The following RASEF variants were observed in gnomAD, a reference collection of about 807,000 sequenced individuals.
The protein encoded by RASEF is ras and EF-hand domain-containing protein.
Under a neutral mutation model 90.1 loss-of-function variants are expected in RASEF, and 68 were observed. That is an observed-to-expected ratio of 0.75 (90% CI 0.62 to 0.92). The LOEUF is 0.92. Among genes scored for constraint, RASEF ranks in the 40% least tolerant of loss-of-function variants. The probability of loss-of-function intolerance (pLI) is 0.00; values close to 1 mark genes in which losing one functional copy is unlikely to be tolerated. For missense variants in RASEF, 949 were observed against 937.2 expected (o/e 1.01, Z -0.16); for synonymous variants, 331 against 345.2 (o/e 0.96, Z 0.46).
rs1829265254 is a variant in RASEF at position 83,012,474 on chromosome 9, T to C, written c.803A>G (p.Asp268Gly). The change falls in exon 5 of 17, where the codon GAT (aspartate) becomes GGT (glycine). Residue 268 changes from aspartate (D) to glycine (G), a missense_variant. Physicochemically the swap from Asp to Gly is moderately conservative, Grantham distance 94 (BLOSUM62 -1). Around this residue, in one of 3 missense-constraint regions of RASEF, gnomAD observed 656 missense variants for 592.2 expected, o/e 1.11. Coordinates refer to ENST00000376447, the MANE Select transcript of RASEF (RefSeq NM_152573.4). ...AATTTGTTTTTTCAATGCAGCCACA[T>C]CTTCCTTTTGACTTACGCGTTTTGA... is the stretch of plus-strand genomic sequence containing the variant. Reference protein sequence around the residue: ...EQSKRVSQKEDVAALKKQIYD... With the variant: ...EQSKRVSQKEGVAALKKQIYD... 11 of 1,592,054 alleles carry C rather than the reference T, an allele frequency of 6.9e-6. No individual in the cohort carries two copies. Among genetic ancestry groups the C allele is most frequent in the Admixed American group, 1.8e-5 (1 of 56,430 alleles).
chr9:82,990,371 T>A lies in RASEF; in HGVS notation c.2117+20A>T. The A allele has an allele frequency of 1.3e-6, 2 of 1,583,612 alleles. No homozygotes were observed. Among genetic ancestry groups the A allele is most frequent in the Non-Finnish European group, 1.7e-6 (2 of 1,153,304 alleles). On this transcript the variant is annotated intron_variant, in intron 16 of 16. Coordinates refer to ENST00000376447, the MANE Select transcript of RASEF (RefSeq NM_152573.4). ...CAACAAGCGAAAATTCAATCCTACATCCATTTTCCCAAACTTTACCGAGCA... is the reference window on the plus strand; with the variant it reads ...CAACAAGCGAAAATTCAATCCTACAACCATTTTCCCAAACTTTACCGAGCA...
the RASEF span, among the ~76,000 whole-genome samples, chr9:83,130,758 C>T: frequency 6.6e-6 from 1 of 152,100 alleles, no homozygotes; most frequent in Non-Finnish European, 1.5e-5. Context: ...AAACCAATAC[C>T]CAACCCAGAC....
intron 1 of RASEF, among the ~76,000 whole-genome samples, chr9:83,032,187 G>A (rs4628323): frequency 0.49 from 73,743 of 151,594 alleles, 18,164 homozygotes; most frequent in East Asian, 0.73. Context: ...GCCTCTTCCC[G>A]TGTCCTACCT....
At chr9:83,152,147 G>C in the RASEF span, among the ~76,000 whole-genome samples, 1 of 152,100 alleles carries the variant, frequency 6.6e-6, no homozygotes, top group African/African-American at 2.4e-5. Context: ...TAGGTGCCCA[G>C]TAATTGTAAG....
At chr9:83,067,216 A>C (rs1010161917), upstream of RASEF, among the ~76,000 whole-genome samples, 8 of 152,212 alleles carry the variant, frequency 5.3e-5, no homozygotes, top group African/African-American at 1.4e-4. Context: ...TAGATACCTT[A>C]GTAATGGCAT....
chr9:83,191,298 C>G, the RASEF span, among the ~76,000 whole-genome samples: 1 of 152,152 alleles, frequency 6.6e-6, no homozygotes, highest in East Asian at 1.9e-4. Flanking sequence ...CAGAAAAGAT[C>G]ATGGCCTTTC....
chr9:83,115,027 C>T, the RASEF span, among the ~76,000 whole-genome samples: 429 of 152,206 alleles, frequency 2.8e-3, 8 homozygotes, highest in South Asian at 0.036. Flanking sequence ...CGGAACCTGC[C>T]GACATGTGAT....
chr9:83,175,593 T>C, the RASEF span, among the ~76,000 whole-genome samples: 2 of 152,110 alleles, frequency 1.3e-5, no homozygotes, highest in African/African-American at 2.4e-5. Flanking sequence ...ATCCTTTTTT[T>C]TTTTTAAGAT....
At chr9:82,985,508 T>C (rs944054063) in intron 16 of RASEF, among the ~76,000 whole-genome samples, 1 of 152,204 alleles carries the variant, frequency 6.6e-6, no homozygotes, top group African/African-American at 2.4e-5. Flanking sequence ...CAGGCTGTGA[T>C]GGGCTATCAG....
chr9:83,044,221 G>A (rs1829890548), intron 1 of RASEF, among the ~76,000 whole-genome samples: 1 of 152,166 alleles, frequency 6.6e-6, no homozygotes, highest in African/African-American at 2.4e-5. Flanking sequence ...AGGAGGGAAG[G>A]AAGGAGTGAG....
At chr9:82,983,051 G>A (rs1167767924) in intron 16 of RASEF, among the ~76,000 whole-genome samples, 1 of 151,038 alleles carries the variant, frequency 6.6e-6, no homozygotes, top group Non-Finnish European at 1.5e-5. Flanking sequence ...CATGACTACA[G>A]AAGTGGGATT....
At chr9:83,093,305 C>T in the RASEF span, among the ~76,000 whole-genome samples, 1 of 152,224 alleles carries the variant, frequency 6.6e-6, no homozygotes, top group Non-Finnish European at 1.5e-5. Context: ...TCACACTGCT[C>T]AGCCCTTGGG....
the RASEF span, among the ~76,000 whole-genome samples, chr9:83,135,459 G>A: frequency 2.6e-5 from 4 of 151,862 alleles, no homozygotes; most frequent in Admixed American, 2.0e-4. Flanking sequence ...AAACCTGCAC[G>A]TTGCGCACAT....
At chr9:83,038,093 T>C (rs1829775539) in intron 1 of RASEF, among the ~76,000 whole-genome samples, 1 of 152,124 alleles carries the variant, frequency 6.6e-6, no homozygotes, top group African/African-American at 2.4e-5. Flanking sequence ...CCTATAATTT[T>C]GATGTATCTA....
At chr9:83,085,969 A>C in the RASEF span, among the ~76,000 whole-genome samples, 1 of 152,256 alleles carries the variant, frequency 6.6e-6, no homozygotes. Flanking sequence ...CAAATCTTCA[A>C]ACAGTAACTA....
the RASEF span, among the ~76,000 whole-genome samples, chr9:83,084,653 CTT>C: frequency 6.6e-6 from 1 of 152,142 alleles, no homozygotes; most frequent in African/African-American, 2.4e-5. Flanking sequence ...GTTCCTTTTC[CTT>C]TTTCCCACCC....
intron 15 of RASEF, 147 bp from the exon 16 acceptor site, chr9:82,990,614 G>A (rs1828796035): frequency 3.6e-6 from 2 of 558,146 alleles, no homozygotes; most frequent in Admixed American, 3.6e-5. Context: ...CAGAGTTCCA[G>A]TACTTACAAA....
At chr9:83,191,240 A>T in the RASEF span, among the ~76,000 whole-genome samples, 1 of 152,214 alleles carries the variant, frequency 6.6e-6, no homozygotes, top group African/African-American at 2.4e-5. Flanking sequence ...AAGTCTGCAG[A>T]TTTCAAACTT....
the RASEF span, among the ~76,000 whole-genome samples, chr9:83,147,028 G>A: frequency 0.038 from 1,198 of 31,258 alleles, 6 homozygotes; most frequent in Middle Eastern, 0.054. Flanking sequence ...GTGTGTGTGT[G>A]TATATATATA....
Sources: gnomAD v4.1 joint callset for allele counts (sites outside exome capture counted in the v4.1 genomes callset) on GRCh38, gnomAD v4.1.1 for gene constraint, gnomAD v4.1.1 regional missense constraint, MANE v1.5 for transcripts, NCBI Gene and HGNC (gene_info 2026-07-23, HGNC 2026-07-21) for gene names.